The following SUPT3H variants were observed in gnomAD, a reference collection of about 807,000 sequenced individuals.
SUPT3H encodes the protein transcription initiation protein SPT3 homolog.
Under a neutral mutation model 44.3 loss-of-function variants are expected in SUPT3H, and 44 were observed. The observed-to-expected ratio is 0.99, with a 90% CI of 0.78 to 1.28. SUPT3H has a LOEUF of 1.28. Among genes scored for constraint, SUPT3H ranks in the 50% most tolerant of loss-of-function variants. The pLI is 0.00. For missense variants in SUPT3H, 380 were observed against 387.1 expected, an observed-to-expected ratio of 0.98 and a Z score of 0.15; for synonymous variants, 124 against 125.6, an observed-to-expected ratio of 0.99 and a Z score of 0.09.
chr6:45,347,755 ATTC>A (rs1791176589), intron 2 of SUPT3H, among the ~76,000 whole-genome samples: 1 of 151,396 alleles, frequency 6.6e-6, no homozygotes, highest in South Asian at 2.1e-4. Flanking sequence ...GAACTTCACA[ATTC>A]TTTTTTTTAA....
In SUPT3H at chr6:44,828,787, T is replaced by C. The variant is rs957676341; in HGVS notation, c.*1029A>G. 1.3e-5 allele frequency: 2 copies of C among 152,552 alleles called. No homozygotes were observed. Among genetic ancestry groups the C allele is most frequent in the African/African-American group, 2.4e-5 (1 of 41,438 alleles). 9.4% of individuals were successfully genotyped at this position (152,552 alleles called of 1,614,324 possible). A position where few individuals can be genotyped will look rare whatever the true frequency, so the allele number is the denominator to read the frequency against. ...TTCTTTAGAAAGAGTGTTTCAAGTA[T>C]GTGTAAAAACCATAAAAGTAAAATT... is the stretch of plus-strand genomic sequence containing the variant. On this transcript the variant is annotated 3_prime_UTR_variant, in exon 11 of 11. Coordinates refer to ENST00000371459, the MANE Select transcript of SUPT3H (RefSeq NM_003599.4).
At chr6:45,118,331 A>G (rs1801126890) in intron 2 of SUPT3H, among the ~76,000 whole-genome samples, 1 of 152,106 alleles carries the variant, frequency 6.6e-6, no homozygotes, top group African/African-American at 2.4e-5. Flanking sequence ...CATAGGTACA[A>G]GCTCTGTGGT....
intron 10 of SUPT3H, among the ~76,000 whole-genome samples, chr6:44,887,973 A>C (rs1448044762): frequency 1.3e-5 from 2 of 152,224 alleles, no homozygotes; most frequent in Non-Finnish European, 2.9e-5. Context: ...AACTACCATC[A>C]GAGAATACTA....
chr6:45,129,546 G>A (rs187724471), intron 2 of SUPT3H, among the ~76,000 whole-genome samples: 392 of 152,140 alleles, frequency 2.6e-3, no homozygotes, highest in African/African-American at 8.2e-3. Context: ...AAAGTTCACC[G>A]TCCTAGATAC....
At chr6:45,275,676 A>C (rs1776900520) in intron 2 of SUPT3H, among the ~76,000 whole-genome samples, 1 of 152,158 alleles carries the variant, frequency 6.6e-6, no homozygotes, top group Admixed American at 6.5e-5. Context: ...AAAACATAGC[A>C]TTTCCTAGTT....
intron 2 of SUPT3H, among the ~76,000 whole-genome samples, chr6:45,133,697 C>G (rs183926088): frequency 1.3e-5 from 2 of 152,276 alleles, no homozygotes; most frequent in Non-Finnish European, 2.9e-5. Flanking sequence ...CATCTGACAA[C>G]CCTCCAGATC....
intron 3 of SUPT3H, among the ~76,000 whole-genome samples, chr6:45,030,895 T>C (rs13209827): frequency 0.11 from 17,237 of 152,238 alleles, 1,386 homozygotes; most frequent in East Asian, 0.27. Flanking sequence ...AAGGATCTGC[T>C]ATGAAACTCG....
intron 6 of SUPT3H, among the ~76,000 whole-genome samples, chr6:44,995,884 T>C (rs900773689): frequency 6.6e-6 from 1 of 151,992 alleles, no homozygotes; most frequent in Non-Finnish European, 1.5e-5. Flanking sequence ...AATAAACTTG[T>C]AAATCTCATC....
intron 3 of SUPT3H, among the ~76,000 whole-genome samples, chr6:45,062,223 T>A (rs892519495): frequency 6.6e-6 from 1 of 152,090 alleles, no homozygotes; most frequent in African/African-American, 2.4e-5. Flanking sequence ...AGTTATTACA[T>A]TCATCTTAGA....
At chr6:44,926,418 C>T (rs1048304802) in intron 10 of SUPT3H, among the ~76,000 whole-genome samples, 25 of 151,744 alleles carry the variant, frequency 1.6e-4, no homozygotes, top group African/African-American at 5.8e-4. Flanking sequence ...GGAAAAATAC[C>T]TGCAACAAAC....
intron 10 of SUPT3H, among the ~76,000 whole-genome samples, chr6:44,847,854 C>T (rs1412554661): frequency 6.6e-6 from 1 of 151,802 alleles, no homozygotes; most frequent in Non-Finnish European, 1.5e-5. Flanking sequence ...AGATGTCAAC[C>T]TAAGCTACTA....
intron 8 of SUPT3H, 105 bp from the exon 9 acceptor site, chr6:44,953,522 G>T: frequency 2.3e-6 from 2 of 858,040 alleles, no homozygotes; most frequent in Non-Finnish European, 3.7e-6. Context: ...TGATAATCCT[G>T]CTTGCCTAAA....
At chr6:44,925,766 T>C (rs1191901527) in intron 10 of SUPT3H, among the ~76,000 whole-genome samples, 1 of 152,122 alleles carries the variant, frequency 6.6e-6, no homozygotes, top group Admixed American at 6.5e-5. Context: ...CACCAAATGC[T>C]CTAATCATAA....
At chr6:45,250,777 G>A (rs1313144344) in intron 2 of SUPT3H, among the ~76,000 whole-genome samples, 1 of 150,294 alleles carries the variant, frequency 6.7e-6, no homozygotes, top group Non-Finnish European at 1.5e-5. Flanking sequence ...TCAAGTAAGG[G>A]GAAAAAAGGG....
At chr6:45,225,400 C>T (rs1268881384) in intron 2 of SUPT3H, among the ~76,000 whole-genome samples, 4 of 152,010 alleles carry the variant, frequency 2.6e-5, no homozygotes, top group Non-Finnish European at 5.9e-5. Flanking sequence ...ATTTAATCGA[C>T]ATTTTGTGAA....
chr6:45,003,815 A>G, intron 5 of SUPT3H, 23 bp from the exon 6 acceptor site: 1 of 1,612,568 alleles, frequency 6.2e-7, no homozygotes, highest in Non-Finnish European at 8.5e-7. Context: ...AAGGGAAAGA[A>G]AAAAAGAAAT....
At position 45,176,860 on chromosome 6, in the gene SUPT3H, T is replaced by C. The variant is rs199702350; in HGVS notation, c.102-70854A>G. 1.4e-4 allele frequency among the ~76,000 whole-genome samples: 22 copies of C among 152,258 alleles called. No homozygotes were observed. In the East Asian group the frequency reaches 3.7e-3, roughly 25 times the overall value. On this transcript the variant is annotated intron_variant, in intron 2 of 10. Coordinates refer to ENST00000371459, the MANE Select transcript of SUPT3H (RefSeq NM_003599.4). ...CCAACAGACCTGCAGCTGAGCGTCC[T>C]GTCTGTTAGAAGGAAAACTAACAAA...
intron 2 of SUPT3H, among the ~76,000 whole-genome samples, chr6:45,291,271 T>C (rs969865717): frequency 6.6e-6 from 1 of 152,066 alleles, no homozygotes; most frequent in Middle Eastern, 3.2e-3. Flanking sequence ...AGGGAACACC[T>C]CATGGGACAA....
intron 2 of SUPT3H, among the ~76,000 whole-genome samples, chr6:45,209,373 T>G (rs1455085780): frequency 6.6e-6 from 1 of 152,150 alleles, no homozygotes; most frequent in Admixed American, 6.6e-5. Flanking sequence ...TAAGAACATT[T>G]GTGATTCATG....
Sources: allele counts gnomAD v4.1 joint callset (sites outside exome capture counted in the v4.1 genomes callset), GRCh38; gene constraint gnomAD v4.1.1; transcripts MANE v1.5; gene names NCBI Gene and HGNC (gene_info 2026-07-23, HGNC 2026-07-21).